ZNF407: variants seen among roughly 807,000 people sequenced by gnomAD.
The protein encoded by ZNF407 is zinc finger protein 407.
A neutral mutation model predicts 131.2 loss-of-function variants in ZNF407; 17 were observed. That is an observed-to-expected ratio of 0.13 (90% CI 0.09 to 0.19). The LOEUF is 0.19. Among genes scored for constraint, ZNF407 ranks in the 10% least tolerant of loss-of-function variants. The pLI is 1.00. For missense variants in ZNF407, 2,681 were observed against 2,830.6 expected (o/e 0.95, Z 1.20); for synonymous variants, 1,156 against 1,062.0 (o/e 1.09, Z -1.72).
chr18:74,860,498 A>ATTG (rs1970922986), intron 4 of ZNF407, among the ~76,000 whole-genome samples: 1 of 149,678 alleles, frequency 6.7e-6, no homozygotes, highest in Non-Finnish European at 1.5e-5. Context: ...TATTATTATT[A>ATTG]TTATTATTAT....
chr18:74,929,086 C>T (rs904247623), intron 8 of ZNF407, among the ~76,000 whole-genome samples: 2 of 152,174 alleles, frequency 1.3e-5, no homozygotes, highest in African/African-American at 4.8e-5. Context: ...CGAACTGGCT[C>T]TCAGGCTCCC....
At chr18:74,788,238 T>G (rs1225067917) in intron 4 of ZNF407, among the ~76,000 whole-genome samples, 1 of 152,208 alleles carries the variant, frequency 6.6e-6, no homozygotes, top group Non-Finnish European at 1.5e-5. Context: ...CTCATGTAAT[T>G]CAAGGGCAGT....
intron 4 of ZNF407, among the ~76,000 whole-genome samples, chr18:74,820,282 C>A (rs1468210869): frequency 6.6e-6 from 1 of 152,220 alleles, no homozygotes; most frequent in Non-Finnish European, 1.5e-5. Context: ...CCACAGGCAA[C>A]TGCCCAGGGA....
At chr18:74,840,053 C>T (rs1289797175) in intron 4 of ZNF407, among the ~76,000 whole-genome samples, 1 of 151,878 alleles carries the variant, frequency 6.6e-6, no homozygotes, top group Non-Finnish European at 1.5e-5. Flanking sequence ...GATTCTAGAC[C>T]AATACTCTTA....
At chr18:75,041,090 G>A (rs1046447112) in intron 8 of ZNF407, among the ~76,000 whole-genome samples, 6 of 152,186 alleles carry the variant, frequency 3.9e-5, no homozygotes, top group African/African-American at 1.2e-4. Flanking sequence ...CCTAATACTC[G>A]CAGTATCCCG....
In ZNF407 at chr18:74,703,868, G is replaced by A. The variant is rs150494126; in HGVS notation, c.4802+62746G>A. ...TATTCTTAGGTAAGTTGAGATATGAGGTGGTAAATGTCAATTTGTGCAATT... is the reference window on the plus strand; with the variant it reads ...TATTCTTAGGTAAGTTGAGATATGAAGTGGTAAATGTCAATTTGTGCAATT... On this transcript the variant is annotated intron_variant, in intron 3 of 8. Coordinates refer to ENST00000299687, the MANE Select transcript of ZNF407 (RefSeq NM_017757.3). This position sits in a 1 kb window ranked among gnomAD's most constrained non-coding sequence, Gnocchi z 4.1. Among the ~76,000 whole-genome samples the A allele has an allele frequency of 4.1e-4, 63 of 152,052 alleles. No homozygotes were observed. The highest frequency in any genetic ancestry group is 1.2e-3 in the African/African-American group (48 of 41,458).
At chr18:75,026,901 G>C (rs1973177603) in intron 8 of ZNF407, among the ~76,000 whole-genome samples, 1 of 152,138 alleles carries the variant, frequency 6.6e-6, no homozygotes, top group Non-Finnish European at 1.5e-5. Flanking sequence ...GCATCAGCTG[G>C]GTGTCAGTCC....
At chr18:74,918,179 A>C (rs1971798194) in intron 7 of ZNF407, among the ~76,000 whole-genome samples, 2 of 152,072 alleles carry the variant, frequency 1.3e-5, no homozygotes, top group Admixed American at 1.3e-4. Flanking sequence ...CATTTAAGAG[A>C]CTCTACAGTC....
At chr18:74,752,390 T>C (rs1968827470) in intron 3 of ZNF407, among the ~76,000 whole-genome samples, 3 of 152,214 alleles carry the variant, frequency 2.0e-5, no homozygotes. Context: ...TAGATCCCAT[T>C]TGTCAATTTT....
chr18:74,889,188 G>A (rs1273288954), intron 6 of ZNF407, among the ~76,000 whole-genome samples: 4 of 152,196 alleles, frequency 2.6e-5, no homozygotes, highest in Admixed American at 6.5e-5. Flanking sequence ...GTTTGTGTAA[G>A]TGCATGCAGG....
intron 6 of ZNF407, among the ~76,000 whole-genome samples, chr18:74,883,221 T>C (rs1042390779): frequency 6.6e-6 from 1 of 152,220 alleles, no homozygotes; most frequent in African/African-American, 2.4e-5. Context: ...TCAAACATGA[T>C]TCTTTAACAC....
chr18:74,755,534 T>TCC, intron 3 of ZNF407, among the ~76,000 whole-genome samples: 4 of 41,976 alleles, frequency 9.5e-5, no homozygotes, highest in South Asian at 1.8e-3. Flanking sequence ...TATCTTTCCC[T>TCC]CTCTCCCTCC....
chr18:74,960,148 T>C (rs2145290158), intron 8 of ZNF407, among the ~76,000 whole-genome samples: 1 of 152,374 alleles, frequency 6.6e-6, no homozygotes, highest in South Asian at 2.1e-4. Flanking sequence ...TTGGCACTTT[T>C]AGGATTATTG....
chr18:74,857,822 T>A (rs1970880256), intron 4 of ZNF407, among the ~76,000 whole-genome samples: 1 of 152,238 alleles, frequency 6.6e-6, no homozygotes, highest in South Asian at 2.1e-4. Context: ...CAAATGTATC[T>A]TATGATATCT....
intron 3 of ZNF407, among the ~76,000 whole-genome samples, chr18:74,748,210 A>T (rs1193106430): frequency 6.6e-6 from 1 of 151,972 alleles, no homozygotes; most frequent in South Asian, 2.1e-4. Flanking sequence ...AAAAATTATG[A>T]TCAATAATTT....
intron 2 of ZNF407, among the ~76,000 whole-genome samples, chr18:74,637,496 A>C (rs1984516298): frequency 7.0e-6 from 1 of 142,744 alleles, no homozygotes; most frequent in South Asian, 2.2e-4. Context: ...AAGTTAGCAT[A>C]GTTTTTTTTT....
chr18:74,703,406 G>A lies in ZNF407; in HGVS notation c.4802+62284G>A, dbSNP rs985049758. Among the ~76,000 whole-genome samples, 4 of 151,884 alleles carry A rather than the reference G, an allele frequency of 2.6e-5. No homozygotes were observed. The highest frequency in any genetic ancestry group is 9.7e-5 in the African/African-American group (4 of 41,356). On this transcript the variant is annotated intron_variant, in intron 3 of 8. Transcript: ENST00000299687. The surrounding 1 kb of genome is among the most constrained non-coding windows in gnomAD (Gnocchi z 4.1). ...TCTGAGATGGAGTTTCACTCTTGTT[G>A]CCCAGGCTGGAGTGCAATGGTGCAA...
intron 1 of ZNF407, among the ~76,000 whole-genome samples, chr18:74,629,651 A>G (rs1014430422): frequency 7.9e-5 from 12 of 152,160 alleles, no homozygotes; most frequent in Non-Finnish European, 1.5e-4. Context: ...AGCTGAGTCA[A>G]AGCAATAGGC....
intron 4 of ZNF407, among the ~76,000 whole-genome samples, chr18:74,782,861 C>G (rs775379323): frequency 6.6e-5 from 10 of 152,096 alleles, no homozygotes; most frequent in Non-Finnish European, 1.2e-4. Context: ...TCTCGTGATC[C>G]CAAAGTGCTG....
Sources: allele counts gnomAD v4.1 joint callset (sites outside exome capture counted in the v4.1 genomes callset), GRCh38; gene constraint gnomAD v4.1.1; non-coding constraint Gnocchi (gnomAD v3.1); transcripts MANE v1.5; gene names NCBI Gene and HGNC (gene_info 2026-07-23, HGNC 2026-07-21).